MERTK: variants seen among roughly 807,000 people sequenced by gnomAD.
The protein encoded by MERTK is tyrosine-protein kinase Mer.
Under a neutral mutation model 99.3 loss-of-function variants are expected in MERTK, and 69 were observed. The observed-to-expected ratio is 0.70, with a 90% confidence interval of 0.57 to 0.85. The LOEUF (loss-of-function observed/expected upper bound fraction) is 0.85. MERTK is among the 40% of genes least tolerant of loss of function. The pLI is 0.00. For missense variants in MERTK, 1,125 were observed against 1,249.4 expected (o/e 0.90, Z 1.50); for synonymous variants, 426 against 467.6 (o/e 0.91, Z 1.15).
At chr2:111,995,362 G>C (rs1676713677) in intron 9 of MERTK, 1 of 187,922 alleles carries the variant, frequency 5.3e-6, no homozygotes, top group Non-Finnish European at 1.1e-5. Context: ...ACCTGCCCTA[G>C]GTTGTTTAAT....
At chr2:111,919,990 T>G (rs1251529838) in intron 1 of MERTK, among the ~76,000 whole-genome samples, 1 of 151,900 alleles carries the variant, frequency 6.6e-6, no homozygotes, top group Admixed American at 6.6e-5. Context: ...CCAGACCCAC[T>G]CTCCATGCTG....
rs1328763593 is a variant in MERTK at position 112,003,985 on chromosome 2, G to A, written c.1867+1G>A. ...AAAGTGGCAGTGAAGACCATGAAGT[G>A]TGAGTTATCAGTGATGAATCCCATT... On this transcript the variant is annotated splice_donor_variant, in intron 13 of 18. Transcript: ENST00000295408. LOFTEE classifies it high-confidence loss of function. 1.9e-6 allele frequency: 3 copies of A among 1,610,614 alleles called. No individual in the cohort carries two copies. Among genetic ancestry groups the A allele is most frequent in the African/African-American group, 2.7e-5 (2 of 74,820 alleles).
At chr2:111,989,113 G>A (rs528168728) in intron 8 of MERTK, among the ~76,000 whole-genome samples, 21 of 152,154 alleles carry the variant, frequency 1.4e-4, no homozygotes, top group Admixed American at 4.6e-4. Context: ...GTTCCCAGGC[G>A]CCCCTGGCTT....
At chr2:111,954,912 T>G (rs1262720821) in intron 4 of MERTK, among the ~76,000 whole-genome samples, 57 of 152,146 alleles carry the variant, frequency 3.7e-4, no homozygotes, top group Non-Finnish European at 5.9e-5. Context: ...AAAACTTATT[T>G]TTAATTAATT....
At chr2:112,023,927 C>T (rs182221927) in intron 18 of MERTK, among the ~76,000 whole-genome samples, 1 of 152,242 alleles carries the variant, frequency 6.6e-6, no homozygotes, top group African/African-American at 2.4e-5. Flanking sequence ...CCTGCTGCCT[C>T]ACATGGGAGA....
At chr2:111,998,167 G>T (rs1299293700) in intron 10 of MERTK, among the ~76,000 whole-genome samples, 1 of 152,182 alleles carries the variant, frequency 6.6e-6, no homozygotes, top group Non-Finnish European at 1.5e-5. Context: ...CTTTATTTGT[G>T]TTCATCCCAG....
intron 3 of MERTK, among the ~76,000 whole-genome samples, chr2:111,945,870 C>T (rs937777308): frequency 2.0e-5 from 3 of 152,244 alleles, no homozygotes; most frequent in Admixed American, 2.0e-4. Context: ...CCTTGTGCCC[C>T]TCCTCTCTGA....
At chr2:112,025,316 A>T (rs1230900582) in intron 18 of MERTK, among the ~76,000 whole-genome samples, 6 of 151,886 alleles carry the variant, frequency 4.0e-5, no homozygotes, top group African/African-American at 1.2e-4. Context: ...CCTCTCCGGG[A>T]CTCACCTGAT....
intron 6 of MERTK, among the ~76,000 whole-genome samples, chr2:111,974,126 C>T (rs1040622057): frequency 4.0e-5 from 6 of 150,528 alleles, no homozygotes; most frequent in African/African-American, 7.4e-5. Context: ...CATTGGCTCA[C>T]GCCTGTAATC....
chr2:111,938,877 T>C (rs1684811690), intron 2 of MERTK, among the ~76,000 whole-genome samples: 1 of 152,186 alleles, frequency 6.6e-6, no homozygotes, highest in Admixed American at 6.5e-5. Flanking sequence ...TGTAATCCTA[T>C]GTATGTCTGT....
At chr2:111,919,797 TTC>T (rs1463399140) in intron 1 of MERTK, among the ~76,000 whole-genome samples, 2 of 144,344 alleles carry the variant, frequency 1.4e-5, no homozygotes, top group Non-Finnish European at 3.0e-5. Context: ...TCTTTTTCTT[TTC>T]TTTTTTTTTT....
chr2:111,943,745 C>T (rs1210903849), intron 2 of MERTK, among the ~76,000 whole-genome samples: 2 of 152,144 alleles, frequency 1.3e-5, no homozygotes, highest in Non-Finnish European at 2.9e-5. Context: ...AGGACAAAGG[C>T]TACCAGCTCT....
At chr2:111,982,257 A>G (rs556733242) in intron 7 of MERTK, among the ~76,000 whole-genome samples, 3 of 152,034 alleles carry the variant, frequency 2.0e-5, no homozygotes, top group South Asian at 2.1e-4. Context: ...GAGTCTCACT[A>G]TGTTGTCCAG....
At chr2:111,987,746 A>G (rs1217690702) in intron 8 of MERTK, among the ~76,000 whole-genome samples, 1 of 152,238 alleles carries the variant, frequency 6.6e-6, no homozygotes, top group African/African-American at 2.4e-5. Context: ...AAGGCCCACC[A>G]TGTATACTGG....
At chr2:111,981,757 A>G (rs1008722958) in intron 7 of MERTK, among the ~76,000 whole-genome samples, 1 of 150,846 alleles carries the variant, frequency 6.6e-6, no homozygotes, top group Non-Finnish European at 1.5e-5. Flanking sequence ...ACACACACAC[A>G]CACACACACT....
At position 111,942,676 on chromosome 2, in the gene MERTK, T is replaced by C. The variant is rs373597588; in HGVS notation, c.483-2284T>C. 2.0e-5 allele frequency among the ~76,000 whole-genome samples: 3 copies of C among 152,254 alleles called. No individual in the cohort carries two copies. In the South Asian group the frequency reaches 6.2e-4, roughly 32 times the overall value. On this transcript the variant is annotated intron_variant, in intron 2 of 18. Transcript: ENST00000295408. ...CCATGCCCACCATTCATTCATCAGG[T>C]GCATTCCAAAATTATATTGCTCCTA...
rs115201871 is a variant in MERTK at position 111,974,334 on chromosome 2, C to T, written c.961-955C>T. 1.3e-3 allele frequency among the ~76,000 whole-genome samples: 192 copies of T among 151,564 alleles called. 3 individuals are homozygous for T. The highest frequency in any genetic ancestry group is 4.4e-3 in the African/African-American group (181 of 41,294). Reference sequence around the variant, plus strand: ...GGGAGAATCACTTGAACCTGGGAGACGGAGGTCAAACCATTGCACTCCAGC... The same window carrying T: ...GGGAGAATCACTTGAACCTGGGAGATGGAGGTCAAACCATTGCACTCCAGC... On this transcript the variant is annotated intron_variant, in intron 6 of 18. Transcript: ENST00000295408.
chr2:111,982,926 C>G lies in MERTK; in HGVS notation c.1229C>G (p.Thr410Ser). The change falls in exon 8 of 19, where the codon ACT becomes AGT. Residue 410 changes from threonine to serine, a missense_variant. Transcript: ENST00000295408. ...GACATCAGATGGATGAAGCCTCCGA[C>G]TAAGCAGCAGGATGGAGAACTGGTG... ...NVDIRWMKPP[T>S]KQQDGELVGY... is the part of the protein sequence containing the mutation. The G allele has an allele frequency of 4.3e-6, 7 of 1,614,146 alleles. No individual in the cohort carries two copies. Among genetic ancestry groups the G allele is most frequent in the South Asian group, 1.1e-5 (1 of 91,078 alleles).
At position 112,019,539 on chromosome 2, in the gene MERTK, A is replaced by G. The variant is rs967907319; in HGVS notation, c.2189+17A>G. On this transcript the variant is annotated intron_variant, in intron 16 of 18. Coordinates refer to ENST00000295408, the MANE Select transcript of MERTK (RefSeq NM_006343.3). ...AAACTGCATGTAAGAGTCCTCGGCT[A>G]TCCTGGAAGGGTTTGGACCTCATGG... is the stretch of plus-strand genomic sequence containing the variant. The G allele has an allele frequency of 2.5e-6, 4 of 1,574,424 alleles. No individual in the cohort carries two copies. The African/African-American group carries it at 4.1e-5, about 16-fold the overall frequency.
Sources: allele counts gnomAD v4.1 joint callset (sites outside exome capture counted in the v4.1 genomes callset), GRCh38; gene constraint gnomAD v4.1.1; transcripts MANE v1.5; gene names NCBI Gene and HGNC (gene_info 2026-07-23, HGNC 2026-07-21).